The following PEAK1 variants were observed in gnomAD, a reference collection of about 807,000 sequenced individuals.
The protein encoded by PEAK1 is pseudopodium enriched atypical kinase 1, also known as inactive tyrosine-protein kinase PEAK1.
A neutral mutation model predicts 124.7 loss-of-function variants in PEAK1; 54 were observed. The ratio of observed to expected loss-of-function variants is 0.43; its 90% CI spans 0.35 to 0.54. The LOEUF is 0.54. Among genes scored for constraint, PEAK1 ranks in the 20% least tolerant of loss-of-function variants. The pLI, the probability that PEAK1 is intolerant of heterozygous loss-of-function variation, is 0.01. For missense variants in PEAK1, 2,046 were observed against 2,134.5 expected (o/e 0.96, Z 0.82); for synonymous variants, 719 against 760.0 (o/e 0.95, Z 0.89).
chr15:77,244,326 C>T (rs111658507), intron 6 of PEAK1, among the ~76,000 whole-genome samples: 101 of 152,154 alleles, frequency 6.6e-4, no homozygotes, highest in Non-Finnish European at 1.1e-3. Flanking sequence ...GAAGAGATCC[C>T]ATATTGGAGT....
chr15:77,344,488 C>A (rs2066747721), intron 2 of PEAK1, among the ~76,000 whole-genome samples: 1 of 152,200 alleles, frequency 6.6e-6, no homozygotes, highest in Non-Finnish European at 1.5e-5. Flanking sequence ...GTTTTGACAT[C>A]AGGAAGTGAG....
intron 2 of PEAK1, among the ~76,000 whole-genome samples, chr15:77,339,239 T>C (rs1211960962): frequency 1.3e-5 from 2 of 151,278 alleles, no homozygotes; most frequent in Non-Finnish European, 2.9e-5. Flanking sequence ...GCCTGCGGGG[T>C]AGCTGGGACT....
chr15:77,250,722 T>C (rs2060840621), intron 6 of PEAK1, among the ~76,000 whole-genome samples: 1 of 151,756 alleles, frequency 6.6e-6, no homozygotes, highest in African/African-American at 2.4e-5. Flanking sequence ...CGTATGCCAC[T>C]GCACCTGGCC....
chr15:77,123,716 A>C (rs2052124746), intron 9 of PEAK1, among the ~76,000 whole-genome samples: 1 of 152,234 alleles, frequency 6.6e-6, no homozygotes, highest in Non-Finnish European at 1.5e-5. Context: ...GATTCTTTGA[A>C]AGGGAAAAAG....
intron 2 of PEAK1, among the ~76,000 whole-genome samples, chr15:77,325,233 T>C (rs996661895): frequency 1.7e-4 from 26 of 151,876 alleles, no homozygotes; most frequent in African/African-American, 4.6e-4. Context: ...TTGGGCAACA[T>C]AGGGAGCCCT....
chr15:77,334,123 AATACT>A, intron 2 of PEAK1: 1 of 904,430 alleles, frequency 1.1e-6, no homozygotes, highest in Non-Finnish European at 1.3e-6. Flanking sequence ...ATCGTTTCTA[AATACT>A]TAAGAGATTT....
At chr15:77,267,687 C>A (rs1003685763) in intron 5 of PEAK1, among the ~76,000 whole-genome samples, 5 of 152,126 alleles carry the variant, frequency 3.3e-5, no homozygotes, top group African/African-American at 7.2e-5. Context: ...AAGGGAGCAA[C>A]CCGTGGGACA....
At chr15:77,411,523 C>T (rs1484781810) in intron 1 of PEAK1, among the ~76,000 whole-genome samples, 1 of 152,206 alleles carries the variant, frequency 6.6e-6, no homozygotes, top group African/African-American at 2.4e-5. Context: ...CGCACACATG[C>T]TTACATCGGT....
intron 2 of PEAK1, among the ~76,000 whole-genome samples, chr15:77,289,489 T>A (rs1465687969): frequency 1.3e-5 from 2 of 152,200 alleles, no homozygotes; most frequent in East Asian, 1.9e-4. Flanking sequence ...GGATTTCAAC[T>A]GCAAATACTT....
At chr15:77,206,062 T>C (rs2058635686) in intron 6 of PEAK1, among the ~76,000 whole-genome samples, 1 of 120,352 alleles carries the variant, frequency 8.3e-6, no homozygotes, top group African/African-American at 3.2e-5. Context: ...CACCTATGAG[T>C]GAGAATATGC....
chr15:77,127,171 T>C (rs1190612246), intron 9 of PEAK1, among the ~76,000 whole-genome samples: 6 of 152,224 alleles, frequency 3.9e-5, no homozygotes, highest in African/African-American at 1.4e-4. Flanking sequence ...CTCCCTGTCA[T>C]GTAAGGGCAC....
At chr15:77,232,983 G>A (rs2059971423) in intron 6 of PEAK1, among the ~76,000 whole-genome samples, 1 of 152,158 alleles carries the variant, frequency 6.6e-6, no homozygotes, top group Admixed American at 6.5e-5. Flanking sequence ...CTAACCTCAA[G>A]TGATCCACCT....
intron 2 of PEAK1, among the ~76,000 whole-genome samples, chr15:77,342,171 A>C (rs1293119082): frequency 2.0e-5 from 3 of 150,632 alleles, no homozygotes; most frequent in Non-Finnish European, 3.0e-5. Context: ...AAAAAAAAAA[A>C]AACACACACA....
intron 2 of PEAK1, among the ~76,000 whole-genome samples, chr15:77,307,503 C>T (rs1226870884): frequency 6.6e-6 from 1 of 151,992 alleles, no homozygotes; most frequent in Non-Finnish European, 1.5e-5. Flanking sequence ...ATCACAAAAG[C>T]CTTCCCTTAG....
intron 1 of PEAK1, among the ~76,000 whole-genome samples, chr15:77,382,827 G>A (rs1028238864): frequency 1.6e-4 from 24 of 151,984 alleles, no homozygotes; most frequent in African/African-American, 2.4e-5. Flanking sequence ...AATACACAAG[G>A]AAGTTTTTCC....
At chr15:77,143,917 A>G (rs2053982551) in intron 8 of PEAK1, among the ~76,000 whole-genome samples, 1 of 152,260 alleles carries the variant, frequency 6.6e-6, no homozygotes, top group Non-Finnish European at 1.5e-5. Flanking sequence ...AAACTAGAAC[A>G]TGAACCTATT....
intron 2 of PEAK1, among the ~76,000 whole-genome samples, chr15:77,359,331 T>C (rs1339790125): frequency 2.0e-5 from 3 of 151,960 alleles, no homozygotes; most frequent in East Asian, 3.9e-4. Context: ...TCCCAGCTAC[T>C]TGAGGGGCAG....
intron 8 of PEAK1, among the ~76,000 whole-genome samples, chr15:77,152,279 GCT>G (rs1235509959): frequency 6.6e-6 from 1 of 151,960 alleles, no homozygotes; most frequent in African/African-American, 2.4e-5. Flanking sequence ...GCATGATTTG[GCT>G]CTCTGTTTGT....
intron 2 of PEAK1, among the ~76,000 whole-genome samples, chr15:77,313,655 T>TGTGTGTGC (rs2064639134): frequency 1.1e-5 from 1 of 94,146 alleles, no homozygotes; most frequent in Non-Finnish European, 1.9e-5. Context: ...TGTATGTATG[T>TGTGTGTGC]GTGTGTGTGT....
Sources: allele counts gnomAD v4.1 joint callset (sites outside exome capture counted in the v4.1 genomes callset), GRCh38; gene constraint gnomAD v4.1.1; transcripts MANE v1.5; gene names NCBI Gene and HGNC (gene_info 2026-07-23, HGNC 2026-07-21).